SLC24A3: variants seen among roughly 807,000 people sequenced by gnomAD.
SLC24A3 encodes the protein solute carrier family 24 member 3.
A neutral mutation model predicts 75.8 loss-of-function variants in SLC24A3; 28 were observed. The ratio of observed to expected loss-of-function variants is 0.37; its 90% confidence interval spans 0.27 to 0.51. The LOEUF (loss-of-function observed/expected upper bound fraction) is 0.51. Among genes scored for constraint, SLC24A3 ranks in the 20% least tolerant of loss-of-function variants. The pLI is 0.94. For missense variants in SLC24A3, 663 were observed against 847.8 expected (o/e 0.78, Z 2.71); for synonymous variants, 372 against 334.1 (o/e 1.11, Z -1.24).
intron 6 of SLC24A3, among the ~76,000 whole-genome samples, chr20:19,638,532 G>A (rs2032028194): frequency 6.6e-6 from 1 of 152,172 alleles, no homozygotes; most frequent in Non-Finnish European, 1.5e-5. Flanking sequence ...GTGAGGGAGA[G>A]GAGAAGCAAT....
intron 1 of SLC24A3, among the ~76,000 whole-genome samples, chr20:19,268,590 A>G (rs1983234441): frequency 6.6e-6 from 1 of 152,220 alleles, no homozygotes; most frequent in Non-Finnish European, 1.5e-5. Context: ...TTCATGATAG[A>G]TCTGAGACTA....
At chr20:19,372,766 AC>A (rs1342359297) in intron 2 of SLC24A3, among the ~76,000 whole-genome samples, 2 of 152,028 alleles carry the variant, frequency 1.3e-5, no homozygotes, top group African/African-American at 4.8e-5. Context: ...AACAGAAAAC[AC>A]AGGAAAATGC....
intron 2 of SLC24A3, among the ~76,000 whole-genome samples, chr20:19,334,974 G>T (rs1348588464): frequency 3.3e-5 from 5 of 152,322 alleles, no homozygotes; most frequent in African/African-American, 1.2e-4. Context: ...GATAGGCACA[G>T]AGCACTGCAG....
chr20:19,577,887 A>G (rs1391075591), intron 3 of SLC24A3, among the ~76,000 whole-genome samples: 3 of 152,230 alleles, frequency 2.0e-5, no homozygotes, highest in African/African-American at 7.2e-5. Context: ...AACTTATTGT[A>G]GTCAGCAATT....
intron 2 of SLC24A3, among the ~76,000 whole-genome samples, chr20:19,500,527 G>T (rs964480672): frequency 1.3e-5 from 2 of 152,074 alleles, no homozygotes; most frequent in Admixed American, 1.3e-4. Flanking sequence ...ATATTATTTG[G>T]ATAAAAAATT....
intron 1 of SLC24A3, among the ~76,000 whole-genome samples, chr20:19,258,494 A>G (rs968249147): frequency 1.3e-5 from 2 of 152,222 alleles, no homozygotes; most frequent in African/African-American, 4.8e-5. Context: ...TCACGAGGTC[A>G]GCAGTTCGAG....
chr20:19,314,967 T>C lies in SLC24A3; in HGVS notation c.271+33880T>C, dbSNP rs1295976564. Among the ~76,000 whole-genome samples the C allele has an allele frequency of 3.3e-5, 5 of 152,152 alleles. No individual in the cohort carries two copies. In the East Asian group the frequency reaches 9.7e-4, roughly 29 times the overall value. ...CATCATTAACTGCATGTTGTGGCATTTGGTCAAAGGCCACACATAAAAGTG... is the reference window on the plus strand; with the variant it reads ...CATCATTAACTGCATGTTGTGGCATCTGGTCAAAGGCCACACATAAAAGTG... On this transcript the variant is annotated intron_variant, in intron 2 of 16. Coordinates refer to ENST00000328041, the MANE Select transcript of SLC24A3 (RefSeq NM_020689.4).
At chr20:19,446,442 A>C (rs1309326332) in intron 2 of SLC24A3, among the ~76,000 whole-genome samples, 2 of 152,218 alleles carry the variant, frequency 1.3e-5, no homozygotes, top group Admixed American at 6.5e-5. Context: ...CAGGTCTTGG[A>C]TATAGCCTCT....
At chr20:19,402,380 G>T (rs1472809685) in intron 2 of SLC24A3, among the ~76,000 whole-genome samples, 1 of 152,164 alleles carries the variant, frequency 6.6e-6, no homozygotes, top group Non-Finnish European at 1.5e-5. Flanking sequence ...TTATTTAGCA[G>T]CCTAAAGTTT....
chr20:19,263,876 G>A (rs1983073813), intron 1 of SLC24A3, among the ~76,000 whole-genome samples: 1 of 152,134 alleles, frequency 6.6e-6, no homozygotes, highest in Non-Finnish European at 1.5e-5. Context: ...TCACTGTGAG[G>A]CATCAAGAGG....
chr20:19,578,854 G>A (rs1019604202), intron 3 of SLC24A3, among the ~76,000 whole-genome samples: 8 of 152,106 alleles, frequency 5.3e-5, no homozygotes, highest in Non-Finnish European at 1.0e-4. Flanking sequence ...GCTCAGTGAT[G>A]TTATCCGGGG....
intron 3 of SLC24A3, among the ~76,000 whole-genome samples, chr20:19,559,337 C>A (rs6112461): frequency 0.014 from 2,185 of 152,156 alleles, 60 homozygotes; most frequent in African/African-American, 0.05. Flanking sequence ...TGTACGTATT[C>A]TTTATACATA....
At chr20:19,634,666 C>T (rs559624012) in intron 6 of SLC24A3, among the ~76,000 whole-genome samples, 135 of 152,042 alleles carry the variant, frequency 8.9e-4, no homozygotes, top group Middle Eastern at 3.4e-3. Context: ...AGTATGATTC[C>T]ACTTATATGA....
At chr20:19,472,679 A>T (rs1245648525) in intron 2 of SLC24A3, among the ~76,000 whole-genome samples, 1 of 152,042 alleles carries the variant, frequency 6.6e-6, no homozygotes, top group Non-Finnish European at 1.5e-5. Context: ...GGGAGCCAAG[A>T]CCTCCTACAC....
At chr20:19,383,206 A>G (rs1401645437) in intron 2 of SLC24A3, among the ~76,000 whole-genome samples, 1 of 152,060 alleles carries the variant, frequency 6.6e-6, no homozygotes, top group African/African-American at 2.4e-5. Context: ...CATCCAGTCC[A>G]TTTTCCATAG....
chr20:19,330,374 T>C (rs1425753210), intron 2 of SLC24A3, among the ~76,000 whole-genome samples: 2 of 152,192 alleles, frequency 1.3e-5, no homozygotes, highest in Admixed American at 1.3e-4. Context: ...GAAACGCTTA[T>C]TTCCCCATTA....
chr20:19,567,253 C>T lies in SLC24A3; in HGVS notation c.349-12747C>T, dbSNP rs936044656. Among the ~76,000 whole-genome samples the T allele has an allele frequency of 7.1e-4, 108 of 152,142 alleles. 1 individual carries two copies. Among genetic ancestry groups the T allele is most frequent in the Admixed American group, 3.3e-3 (50 of 15,276 alleles). The stretch of plus-strand genomic sequence containing the variant: ...TTGCAGGCAGCACTATTCACAAAAG[C>T]AAAGACATGGAATCAACTTAAATGT... On this transcript the variant is annotated intron_variant, in intron 3 of 16. Transcript: ENST00000328041.
intron 2 of SLC24A3, among the ~76,000 whole-genome samples, chr20:19,510,143 G>T (rs908878025): frequency 6.6e-6 from 1 of 152,312 alleles, no homozygotes; most frequent in Admixed American, 6.5e-5. Flanking sequence ...TCTAAGATAG[G>T]ATTCTTCCTG....
chr20:19,464,976 A>AC (rs1354693263), intron 2 of SLC24A3, among the ~76,000 whole-genome samples: 1 of 152,224 alleles, frequency 6.6e-6, no homozygotes, highest in Non-Finnish European at 1.5e-5. Flanking sequence ...CTGTGCCTGT[A>AC]CCATCCAGTA....
Sources: gnomAD v4.1 joint callset for allele counts (sites outside exome capture counted in the v4.1 genomes callset) on GRCh38, gnomAD v4.1.1 for gene constraint, MANE v1.5 for transcripts, NCBI Gene and HGNC (gene_info 2026-07-23, HGNC 2026-07-21) for gene names.